ITPR2: variants seen among roughly 807,000 people sequenced by gnomAD.
ITPR2 encodes the protein inositol 1,4,5-trisphosphate-gated calcium channel ITPR2.
A neutral mutation model predicts 317.1 loss-of-function variants in ITPR2; 207 were observed. That is an observed-to-expected ratio of 0.65 (90% confidence interval 0.58 to 0.73). The LOEUF (loss-of-function observed/expected upper bound fraction) is 0.73. Ranked by LOEUF, ITPR2 falls within the 30% of genes least tolerant of loss-of-function variation. The probability of loss-of-function intolerance (pLI) is 0.00; values close to 1 mark genes in which losing one functional copy is unlikely to be tolerated. For synonymous variants in ITPR2, 1,156 were observed against 1,149.1 expected (o/e 1.01, Z -0.12); for missense variants, 2,613 against 3,284.0 (o/e 0.80, Z 4.99).
At chr12:26,595,290 T>C (rs891660237) in intron 32 of ITPR2, among the ~76,000 whole-genome samples, 175 bp downstream of exon 32, 1 of 152,258 alleles carries the variant, frequency 6.6e-6, no homozygotes, top group Non-Finnish European at 1.5e-5. Context: ...GTATTTTGTG[T>C]ATATATTAAC....
chr12:26,443,202 T>TA (rs564136336), intron 46 of ITPR2, among the ~76,000 whole-genome samples: 111 of 152,308 alleles, frequency 7.3e-4, no homozygotes, highest in African/African-American at 2.5e-3. Flanking sequence ...TCCACAATTT[T>TA]AAAAAAGAAA....
At chr12:26,618,488 G>C (rs1225542454) in intron 26 of ITPR2, among the ~76,000 whole-genome samples, 1 of 152,170 alleles carries the variant, frequency 6.6e-6, no homozygotes, top group East Asian at 1.9e-4. Context: ...TCACAGCGGA[G>C]ATAATATATC....
At chr12:26,356,924 G>T (rs553436485) in intron 55 of ITPR2, among the ~76,000 whole-genome samples, 28 of 152,152 alleles carry the variant, frequency 1.8e-4, no homozygotes, top group Non-Finnish European at 3.8e-4. Flanking sequence ...GATAGAAAAA[G>T]ACTTTAAGAT....
intron 55 of ITPR2, among the ~76,000 whole-genome samples, chr12:26,342,484 T>TGG (rs1475968473): frequency 5.2e-5 from 1 of 19,266 alleles, no homozygotes. Context: ...GGGAGGTGTT[T>TGG]GGGTCACGGC....
chr12:26,395,558 GGTA>G (rs879263552), intron 54 of ITPR2, among the ~76,000 whole-genome samples: 12 of 152,052 alleles, frequency 7.9e-5, no homozygotes, highest in Non-Finnish European at 1.2e-4. Context: ...CTCTTTCAGA[GGTA>G]GTGTACCAAC....
At chr12:26,723,442 G>A (rs764979849) in intron 4 of ITPR2, among the ~76,000 whole-genome samples, 4 of 152,088 alleles carry the variant, frequency 2.6e-5, no homozygotes, top group Admixed American at 6.6e-5. Context: ...TAACACCTGC[G>A]CTTCGGGTAC....
At chr12:26,557,832 C>A (rs753286599) in intron 35 of ITPR2, among the ~76,000 whole-genome samples, 3 of 152,058 alleles carry the variant, frequency 2.0e-5, no homozygotes, top group Non-Finnish European at 4.4e-5. Context: ...TTAAAGCACC[C>A]CCATTTTATT....
intron 39 of ITPR2, among the ~76,000 whole-genome samples, chr12:26,492,919 GTATATATATA>G (rs150335068): frequency 2.3e-4 from 33 of 144,474 alleles, no homozygotes; most frequent in Middle Eastern, 6.9e-3. Flanking sequence ...GTGTGTGTGT[GTATATATATA>G]TATATATATA....
chr12:26,385,338 C>T (rs1425965908), intron 55 of ITPR2, among the ~76,000 whole-genome samples: 2 of 152,180 alleles, frequency 1.3e-5, no homozygotes, highest in Non-Finnish European at 2.9e-5. Context: ...AAATGACCCA[C>T]CGCCTTTCTC....
chr12:26,545,168 C>T (rs1428518657), intron 37 of ITPR2, among the ~76,000 whole-genome samples: 1 of 152,150 alleles, frequency 6.6e-6, no homozygotes, highest in Non-Finnish European at 1.5e-5. Flanking sequence ...CAAAGATGCA[C>T]ATGTCCTCAT....
intron 49 of ITPR2, chr12:26,421,222 C>A (rs977187687): frequency 6.6e-6 from 1 of 152,150 alleles, no homozygotes; most frequent in Non-Finnish European, 1.5e-5. Context: ...GAGACTCCGC[C>A]ATTTTCACTT....
chr12:26,599,081 T>C (rs980000590), intron 30 of ITPR2, 64 bp downstream of exon 30: 64 of 1,414,694 alleles, frequency 4.5e-5, no homozygotes, highest in Non-Finnish European at 6.1e-5. Flanking sequence ...TTCACTGTAA[T>C]AGAAAATGCA....
At chr12:26,544,328 G>C (rs933743605) in intron 37 of ITPR2, among the ~76,000 whole-genome samples, 2 of 151,978 alleles carry the variant, frequency 1.3e-5, no homozygotes, top group East Asian at 3.8e-4. Flanking sequence ...TTGTACTCAA[G>C]GGTATTCTAA....
chr12:26,447,086 T>C (rs978884292), intron 45 of ITPR2, among the ~76,000 whole-genome samples: 1 of 152,076 alleles, frequency 6.6e-6, no homozygotes, highest in Non-Finnish European at 1.5e-5. Flanking sequence ...ATAAAGGGCC[T>C]GGTCTTACTC....
chr12:26,556,443 C>T, intron 35 of ITPR2, 68 bp from the exon 36 acceptor site: 2 of 1,483,394 alleles, frequency 1.3e-6, no homozygotes, highest in Non-Finnish European at 1.8e-6. Context: ...GAAGATAAGA[C>T]AAGCTCAAGA....
intron 37 of ITPR2, among the ~76,000 whole-genome samples, chr12:26,499,973 G>A (rs1943033599): frequency 6.6e-6 from 1 of 152,162 alleles, no homozygotes; most frequent in Admixed American, 6.5e-5. Flanking sequence ...AAACTCTGGT[G>A]CTAAAAATGA....
chr12:26,551,472 G>A (rs1275273820), intron 36 of ITPR2, among the ~76,000 whole-genome samples: 1 of 152,210 alleles, frequency 6.6e-6, no homozygotes, highest in Non-Finnish European at 1.5e-5. Flanking sequence ...TCTTAAGAAC[G>A]ACTCTGTGGT....
intron 2 of ITPR2, among the ~76,000 whole-genome samples, chr12:26,787,868 G>A (rs1384973983): frequency 6.6e-6 from 1 of 150,472 alleles, no homozygotes; most frequent in Admixed American, 6.6e-5. Flanking sequence ...TAAGGGTTGA[G>A]TCAAATATGT....
intron 29 of ITPR2, among the ~76,000 whole-genome samples, chr12:26,599,758 T>C (rs1263089623): frequency 1.3e-5 from 2 of 152,060 alleles, no homozygotes; most frequent in Non-Finnish European, 2.9e-5. Context: ...CATTTAACTA[T>C]ATACGTATAA....
Sources: gnomAD v4.1 joint callset for allele counts (sites outside exome capture counted in the v4.1 genomes callset) on GRCh38, gnomAD v4.1.1 for gene constraint, MANE v1.5 for transcripts, NCBI Gene and HGNC (gene_info 2026-07-23, HGNC 2026-07-21) for gene names.